The following ZNF644 variants were observed in gnomAD, a reference collection of about 807,000 sequenced individuals.
ZNF644 encodes zinc finger motif enhancer binding protein 2.
In ZNF644, 20 loss-of-function variants were observed where a neutral mutation model predicts 108.0. The observed-to-expected ratio is 0.19, with a 90% CI of 0.13 to 0.27. ZNF644 has a LOEUF of 0.27. Ranked by LOEUF, ZNF644 falls within the 10% of genes least tolerant of loss-of-function variation. The pLI is 1.00. For synonymous variants in ZNF644, 542 were observed against 539.1 expected (o/e 1.01, Z -0.08); for missense variants, 1,338 against 1,548.9 (o/e 0.86, Z 2.29).
Position 90,982,326 on chromosome 1 carries a change from T to C in ZNF644, c.28A>G (p.Asn10Asp), listed in dbSNP as rs752091066. The change falls in exon 2 of 6, where the codon AAT becomes GAT. Residue 10 changes from asparagine (N) to aspartate (D), a missense_variant. Physicochemically the swap from Asn to Asp is conservative, Grantham distance 23. Transcript: ENST00000337393. ...TCTACTTACCTAGATTTTGTCTTAT[T>C]AACATCTTGCTGCAAGAACGATCTC... is the stretch of plus-strand genomic sequence containing the variant. Reference protein sequence around the residue: MRSFLQQDVNKTKSRLNVLN... With the variant: MRSFLQQDVDKTKSRLNVLN... The C allele has an allele frequency of 7.3e-5, 118 of 1,610,566 alleles. 3 individuals carry two copies. In the South Asian group the frequency reaches 1.3e-3, roughly 17 times the overall value.
intron 2 of ZNF644, among the ~76,000 whole-genome samples, chr1:90,978,062 C>T (rs963252970): frequency 9.2e-5 from 14 of 152,092 alleles, no homozygotes; most frequent in Admixed American, 7.9e-4. Context: ...TTTGAAAATA[C>T]TAAATGTGGC....
intron 2 of ZNF644, among the ~76,000 whole-genome samples, chr1:90,966,159 T>C (rs1282775031): frequency 1.3e-5 from 2 of 152,330 alleles, no homozygotes; most frequent in South Asian, 2.1e-4. Flanking sequence ...CAAATATACT[T>C]ACGGATCATT....
At chr1:91,006,691 T>G (rs1238058987) in intron 1 of ZNF644, among the ~76,000 whole-genome samples, 1 of 152,070 alleles carries the variant, frequency 6.6e-6, no homozygotes, top group East Asian at 1.9e-4. Context: ...GCTGAACTGA[T>G]TACTCTTCAG....
intron 1 of ZNF644, among the ~76,000 whole-genome samples, chr1:90,987,712 A>G (rs941400618): frequency 6.6e-6 from 1 of 152,148 alleles, no homozygotes; most frequent in Non-Finnish European, 1.5e-5. Flanking sequence ...AAAACCAGAC[A>G]AAGACACAAC....
chr1:90,970,085 C>A (rs1314731524), intron 2 of ZNF644, among the ~76,000 whole-genome samples: 1 of 152,176 alleles, frequency 6.6e-6, no homozygotes, highest in African/African-American at 2.4e-5. Flanking sequence ...GACATAAGAA[C>A]AAGTTTGCCT....
At chr1:90,958,036 T>TA (rs1653925054) in intron 2 of ZNF644, among the ~76,000 whole-genome samples, 1 of 150,730 alleles carries the variant, frequency 6.6e-6, no homozygotes. Flanking sequence ...CATCAAAAAT[T>TA]AAAAAATAAC....
chr1:90,961,875 A>C (rs1448228778), intron 2 of ZNF644, among the ~76,000 whole-genome samples: 1 of 151,902 alleles, frequency 6.6e-6, no homozygotes, highest in African/African-American at 2.4e-5. Context: ...AATAGAGGCT[A>C]GGTAAAAACT....
At chr1:90,949,300 A>G (rs1186277515) in intron 2 of ZNF644, among the ~76,000 whole-genome samples, 1 of 152,058 alleles carries the variant, frequency 6.6e-6, no homozygotes, top group Non-Finnish European at 1.5e-5. Context: ...TGAAAGTGCT[A>G]CTTCAAAGAA....
At chr1:90,977,147 G>A (rs900141314) in intron 2 of ZNF644, among the ~76,000 whole-genome samples, 10 of 152,070 alleles carry the variant, frequency 6.6e-5, no homozygotes, top group Admixed American at 5.2e-4. Flanking sequence ...AAGAAGCAAA[G>A]TATTCTAATG....
Position 90,933,937 on chromosome 1 carries a change from T to C in ZNF644, c.3688+3548A>G, listed in dbSNP as rs1349340264. 4.6e-5 allele frequency among the ~76,000 whole-genome samples: 7 copies of C among 152,194 alleles called. No homozygotes were observed. The East Asian group carries it at 1.3e-3, about 29-fold the overall frequency. On this transcript the variant is annotated intron_variant, in intron 4 of 5. Transcript: ENST00000337393. ...TAAGAGAATTCCAGTACCTACAACT[T>C]GTATGGCTGTTGTAAAGATTAAATG...
chr1:91,007,179 A>AT (rs1207069457), intron 1 of ZNF644, among the ~76,000 whole-genome samples: 1 of 106,354 alleles, frequency 9.4e-6, no homozygotes, highest in Non-Finnish European at 1.9e-5. Flanking sequence ...GGAAATTCAC[A>AT]TTTCTTGTTC....
intron 2 of ZNF644, among the ~76,000 whole-genome samples, chr1:90,949,933 C>T (rs906244295): frequency 2.6e-5 from 4 of 151,934 alleles, no homozygotes; most frequent in African/African-American, 9.7e-5. Flanking sequence ...TTGCTTATAC[C>T]ACCAAACACC....
At chr1:90,984,479 C>T (rs1364404192) in intron 1 of ZNF644, among the ~76,000 whole-genome samples, 1 of 151,888 alleles carries the variant, frequency 6.6e-6, no homozygotes, top group Admixed American at 6.6e-5. Context: ...ACTCTGCCTC[C>T]CAGGTTCAAG....
At chr1:90,994,805 C>T (rs643854) in intron 1 of ZNF644, among the ~76,000 whole-genome samples, 20,579 of 152,058 alleles carry the variant, frequency 0.14, 1,435 homozygotes, top group South Asian at 0.16. Context: ...CCACAAATCT[C>T]TGGGTAACAA....
intron 2 of ZNF644, among the ~76,000 whole-genome samples, chr1:90,979,342 G>A (rs538128079): frequency 1.8e-4 from 27 of 152,052 alleles, no homozygotes; most frequent in African/African-American, 4.6e-4. Context: ...GTGTGGTGTC[G>A]CATGCCTGTA....
chr1:91,014,803 C>T (rs1001647183), intron 1 of ZNF644, among the ~76,000 whole-genome samples: 1 of 152,050 alleles, frequency 6.6e-6, no homozygotes, highest in African/African-American at 2.4e-5. Context: ...GGAGATGAAA[C>T]TTACAAATTG....
chr1:90,938,518 A>G lies in ZNF644; in HGVS notation c.2836T>C (p.Leu946=), dbSNP rs1459097880. ...PQHLETADAS[L]SKHSSVFHWT... is the part of the protein sequence containing the mutation. Reference sequence around the variant, plus strand: ...TGAAAAACAGAACTATGCTTTGACAATGAAGCATCTGCAGTTTCTAAATGC... The same window carrying G: ...TGAAAAACAGAACTATGCTTTGACAGTGAAGCATCTGCAGTTTCTAAATGC... The change falls in exon 3 of 6, where the codon TTG becomes CTG. Residue 946 remains leucine, a synonymous_variant. Coordinates refer to ENST00000337393, the MANE Select transcript of ZNF644 (RefSeq NM_201269.3). The surrounding 1 kb of genome is among the most constrained non-coding windows in gnomAD (Gnocchi z 4.2). 4 of 1,614,010 alleles carry G rather than the reference A, an allele frequency of 2.5e-6. No individual in the cohort carries two copies. The highest frequency in any genetic ancestry group is 8.5e-7 in the Non-Finnish European group (1 of 1,179,908).
intron 2 of ZNF644, among the ~76,000 whole-genome samples, chr1:90,960,305 T>C (rs1654201571): frequency 6.6e-6 from 1 of 152,144 alleles, no homozygotes; most frequent in Non-Finnish European, 1.5e-5. Context: ...TTGTGCAAGT[T>C]TTCCTGTTGC....
chr1:90,989,712 T>C (rs893973323), intron 1 of ZNF644, among the ~76,000 whole-genome samples: 5 of 152,216 alleles, frequency 3.3e-5, no homozygotes, highest in African/African-American at 1.2e-4. Context: ...CTTGGTGCAC[T>C]GTTGGGGAAA....
Sources: gnomAD v4.1 joint callset for allele counts (sites outside exome capture counted in the v4.1 genomes callset) on GRCh38, gnomAD v4.1.1 for gene constraint, Gnocchi (gnomAD v3.1) non-coding constraint, MANE v1.5 for transcripts, NCBI Gene and HGNC (gene_info 2026-07-23, HGNC 2026-07-21) for gene names.